CLYBL: variants seen among roughly 807,000 people sequenced by gnomAD.
CLYBL encodes the protein citramalyl-CoA lyase, mitochondrial.
In CLYBL, 31 loss-of-function variants were observed where a neutral mutation model predicts 38.9. The observed-to-expected ratio is 0.80, with a 90% CI of 0.60 to 1.08. The LOEUF is 1.08. Among genes scored for constraint, CLYBL ranks in the 50% least tolerant of loss-of-function variants. CLYBL has a pLI of 0.00. For missense variants in CLYBL, 434 were observed against 411.6 expected (o/e 1.05, Z -0.47); for synonymous variants, 171 against 158.6 (o/e 1.08, Z -0.59).
chr13:99,668,159 A>G (rs1448868118), intron 1 of CLYBL, among the ~76,000 whole-genome samples: 1 of 152,154 alleles, frequency 6.6e-6, no homozygotes, highest in Non-Finnish European at 1.5e-5. Flanking sequence ...CTGTAGTCCC[A>G]GCTACGTGGG....
chr13:99,638,423 A>G (rs1425132176), intron 1 of CLYBL, among the ~76,000 whole-genome samples: 4 of 152,258 alleles, frequency 2.6e-5, no homozygotes, highest in Non-Finnish European at 4.4e-5. Flanking sequence ...ACATACACAC[A>G]CACAATATAT....
chr13:99,651,264 C>A (rs1009712595), intron 1 of CLYBL, among the ~76,000 whole-genome samples: 2 of 152,214 alleles, frequency 1.3e-5, no homozygotes, highest in African/African-American at 4.8e-5. Context: ...GTCTTGGTGC[C>A]AAGCACATGA....
intron 1 of CLYBL, among the ~76,000 whole-genome samples, chr13:99,638,135 AT>A (rs1168732193): frequency 6.6e-6 from 1 of 151,204 alleles, no homozygotes; most frequent in East Asian, 1.9e-4. Context: ...TTATTTTTTA[AT>A]TTTTTGTAGA....
intron 1 of CLYBL, among the ~76,000 whole-genome samples, chr13:99,755,147 T>C (rs2049039396): frequency 6.6e-6 from 1 of 152,178 alleles, no homozygotes; most frequent in Non-Finnish European, 1.5e-5. Flanking sequence ...TCCGCCCGCC[T>C]CGGCCTCCCA....
At chr13:99,680,320 A>G (rs762150630) in intron 1 of CLYBL, among the ~76,000 whole-genome samples, 25 of 152,106 alleles carry the variant, frequency 1.6e-4, no homozygotes, top group Non-Finnish European at 2.9e-4. Context: ...ACGTACTCCA[A>G]TTTTCCTAGA....
chr13:99,807,088 T>C (rs2050246445), intron 2 of CLYBL, among the ~76,000 whole-genome samples: 1 of 152,180 alleles, frequency 6.6e-6, no homozygotes, highest in African/African-American at 2.4e-5. Context: ...TTCGCAATGG[T>C]ATTCAAGGAG....
intron 1 of CLYBL, among the ~76,000 whole-genome samples, chr13:99,682,525 C>G (rs953302911): frequency 3.9e-5 from 6 of 152,002 alleles, no homozygotes; most frequent in Non-Finnish European, 5.9e-5. Context: ...TAAAATGGAA[C>G]ACTCACAGAA....
intron 1 of CLYBL, among the ~76,000 whole-genome samples, chr13:99,709,059 C>G (rs1284158675): frequency 1.3e-5 from 2 of 151,904 alleles, no homozygotes; most frequent in African/African-American, 4.8e-5. Context: ...CGCCACTGCA[C>G]TCCAGCCTGG....
At chr13:99,886,636 G>A (rs1009500715) in intron 7 of CLYBL, among the ~76,000 whole-genome samples, 2 of 152,216 alleles carry the variant, frequency 1.3e-5, no homozygotes, top group African/African-American at 4.8e-5. Flanking sequence ...CATTGCGTCC[G>A]GAGTTCCACG....
At position 99,865,078 on chromosome 13, in the gene CLYBL, T is replaced by C. The variant is rs1942155040; in HGVS notation, c.634+167T>C. 3.0e-6 allele frequency: 2 copies of C among 667,866 alleles called. No homozygotes were observed. Among genetic ancestry groups the C allele is most frequent in the South Asian group, 1.5e-5 (1 of 66,492 alleles). 41.4% of individuals were successfully genotyped at this position (667,866 alleles called of 1,614,324 possible). ...GAATGGACACTACTTCCTGATAATT[T>C]AGGGCTCCTCATAGCTGCCCTGCTT... On this transcript the variant is annotated intron_variant, in intron 5 of 8. Coordinates refer to ENST00000339105, the MANE Select transcript of CLYBL (RefSeq NM_206808.5). The surrounding 1 kb of genome is among the most constrained non-coding windows in gnomAD (Gnocchi z 4.7).
intron 1 of CLYBL, among the ~76,000 whole-genome samples, chr13:99,614,888 C>G (rs753944641): frequency 5.3e-5 from 8 of 152,156 alleles, no homozygotes; most frequent in Non-Finnish European, 1.0e-4. Flanking sequence ...CATGCTTGAC[C>G]CGACTCAACT....
At chr13:99,757,148 C>T (rs1388149066) in intron 1 of CLYBL, among the ~76,000 whole-genome samples, 1 of 152,172 alleles carries the variant, frequency 6.6e-6, no homozygotes, top group Non-Finnish European at 1.5e-5. Flanking sequence ...GATCCTTCTG[C>T]CTTGACTTCC....
chr13:99,714,284 C>T (rs1245110940), intron 1 of CLYBL, among the ~76,000 whole-genome samples: 3 of 151,988 alleles, frequency 2.0e-5, no homozygotes, highest in African/African-American at 4.8e-5. Flanking sequence ...TAACTTTTGT[C>T]GAAGGTCTGG....
intron 2 of CLYBL, among the ~76,000 whole-genome samples, chr13:99,824,867 C>T (rs967448922): frequency 1.3e-5 from 2 of 152,178 alleles, no homozygotes; most frequent in Non-Finnish European, 2.9e-5. Flanking sequence ...GAAACAACCT[C>T]GAATTTTTCC....
At chr13:99,643,734 G>T (rs1447487280) in intron 1 of CLYBL, among the ~76,000 whole-genome samples, 1 of 152,116 alleles carries the variant, frequency 6.6e-6, no homozygotes, top group African/African-American at 2.4e-5. Context: ...TAGGCCCGGC[G>T]CAGTGGCTCA....
intron 8 of CLYBL, among the ~76,000 whole-genome samples, chr13:99,902,755 G>A (rs968048057): frequency 6.6e-6 from 1 of 152,194 alleles, no homozygotes; most frequent in African/African-American, 2.4e-5. Flanking sequence ...TTGACCTTCA[G>A]GCCACAGAGT....
intron 2 of CLYBL, among the ~76,000 whole-genome samples, chr13:99,843,349 C>T (rs1409294346): frequency 6.6e-6 from 1 of 152,194 alleles, no homozygotes; most frequent in Non-Finnish European, 1.5e-5. Context: ...GTCTTGCCAC[C>T]TTGTCTCAGT....
intron 1 of CLYBL, among the ~76,000 whole-genome samples, chr13:99,620,631 C>T (rs2046778398): frequency 6.6e-6 from 1 of 152,084 alleles, no homozygotes; most frequent in African/African-American, 2.4e-5. Flanking sequence ...CAAAAATTAG[C>T]TGAACGTGGT....
At chr13:99,696,952 C>T (rs2139446170) in intron 1 of CLYBL, among the ~76,000 whole-genome samples, 1 of 152,242 alleles carries the variant, frequency 6.6e-6, no homozygotes, top group South Asian at 2.1e-4. Flanking sequence ...CATCTTTTGA[C>T]CCTGTCTTCT....
Sources: allele counts gnomAD v4.1 joint callset (sites outside exome capture counted in the v4.1 genomes callset), GRCh38; gene constraint gnomAD v4.1.1; non-coding constraint Gnocchi (gnomAD v3.1); transcripts MANE v1.5; gene names NCBI Gene and HGNC (gene_info 2026-07-23, HGNC 2026-07-21).